The following LEPR variants were observed in gnomAD, a reference collection of about 807,000 sequenced individuals.
The protein encoded by LEPR is OB receptor.
In LEPR, 56 loss-of-function variants were observed where a neutral mutation model predicts 114.7. The observed-to-expected ratio is 0.49, with a 90% CI of 0.39 to 0.61. The LOEUF (loss-of-function observed/expected upper bound fraction) is 0.61. Among genes scored for constraint, LEPR ranks in the 20% least tolerant of loss-of-function variants. LEPR has a pLI of 0.00. For missense variants in LEPR, 1,202 were observed against 1,352.9 expected, an observed-to-expected ratio of 0.89 and a Z score of 1.75; for synonymous variants, 443 against 461.4, an observed-to-expected ratio of 0.96 and a Z score of 0.51.
At chr1:65,581,943 C>T (rs994674441) in intron 5 of LEPR, among the ~76,000 whole-genome samples, 26 of 152,226 alleles carry the variant, frequency 1.7e-4, no homozygotes, top group Non-Finnish European at 5.9e-5. Flanking sequence ...TTATCTCTCA[C>T]TTCCTTTTGT....
At chr1:65,600,650 A>G (rs541068459) in intron 8 of LEPR, among the ~76,000 whole-genome samples, 148 of 152,160 alleles carry the variant, frequency 9.7e-4, no homozygotes, top group South Asian at 2.3e-3. Flanking sequence ...TGTATCTCGC[A>G]TGTCTTTGAA....
At chr1:65,488,226 C>CTTTCTTTCTTTCTTTCTCTCTT (rs1165679914) in intron 2 of LEPR, among the ~76,000 whole-genome samples, 1 of 67,918 alleles carries the variant, frequency 1.5e-5, no homozygotes, top group African/African-American at 8.8e-5. Flanking sequence ...CTCTCTCTCT[C>CTTTCTTTCTTTCTTTCTCTCTT]TCTTTCTTTC....
At chr1:65,591,513 T>G (rs2186243) in intron 5 of LEPR, among the ~76,000 whole-genome samples, 76,366 of 151,794 alleles carry the variant, frequency 0.5, 20,026 homozygotes, top group East Asian at 0.87. Context: ...GTTATTGGGT[T>G]CATAAATGTT....
intron 2 of LEPR, chr1:65,432,263 A>G: frequency 1.0e-6 from 1 of 1,002,890 alleles, no homozygotes; most frequent in Non-Finnish European, 1.2e-6. Flanking sequence ...GAGGCAGATA[A>G]CGCTGAAGCA....
At chr1:65,513,988 T>C (rs1332575096) in intron 2 of LEPR, among the ~76,000 whole-genome samples, 1 of 152,182 alleles carries the variant, frequency 6.6e-6, no homozygotes, top group Non-Finnish European at 1.5e-5. Context: ...ATAAAGAAAA[T>C]TCGGTTACTG....
intron 19 of LEPR, among the ~76,000 whole-genome samples, chr1:65,630,720 T>C (rs1372374764): frequency 6.6e-6 from 1 of 151,618 alleles, no homozygotes; most frequent in African/African-American, 2.4e-5. Context: ...GTGTGTGTTA[T>C]ATTCTGAGAC....
intron 19 of LEPR, among the ~76,000 whole-genome samples, chr1:65,631,370 ACTGTCTCCGCTGTATACGGC>A (rs1357642722): frequency 2.2e-4 from 34 of 152,110 alleles, no homozygotes; most frequent in Non-Finnish European, 4.9e-4. Flanking sequence ...TTCTTCACGC[ACTGTCTCCGCTGTATACGGC>A]AGGGCTAATT....
chr1:65,456,445 C>G (rs753073283), intron 2 of LEPR, among the ~76,000 whole-genome samples: 1 of 152,098 alleles, frequency 6.6e-6, no homozygotes, highest in South Asian at 2.1e-4. Context: ...ATGGATTCAT[C>G]TATTTCTCTT....
chr1:65,550,533 C>T (rs1321814616), intron 2 of LEPR, among the ~76,000 whole-genome samples: 2 of 152,294 alleles, frequency 1.3e-5, no homozygotes, highest in Admixed American at 6.5e-5. Context: ...GGTGCCCCTG[C>T]CCCAGCCTCG....
At chr1:65,433,310 G>A (rs1221610265) in intron 2 of LEPR, 17 of 985,238 alleles carry the variant, frequency 1.7e-5, no homozygotes, top group Non-Finnish European at 1.9e-5. Context: ...CTTGTCTTCC[G>A]TCCTGTAGGT....
At chr1:65,635,297 A>T (rs77662357) in intron 19 of LEPR, 665 of 826,278 alleles carry the variant, frequency 8.0e-4, no homozygotes, top group Non-Finnish European at 9.4e-4. Context: ...AGCTTTTTTT[A>T]TTTTGCATTT....
intron 2 of LEPR, among the ~76,000 whole-genome samples, chr1:65,447,793 A>G (rs1424715319): frequency 6.6e-6 from 1 of 152,096 alleles, no homozygotes; most frequent in Non-Finnish European, 1.5e-5. Flanking sequence ...CATTCACCTC[A>G]GCCTCCTAAA....
intron 2 of LEPR, among the ~76,000 whole-genome samples, chr1:65,515,469 C>T (rs1330446153): frequency 1.3e-5 from 2 of 152,156 alleles, no homozygotes; most frequent in African/African-American, 4.8e-5. Context: ...GTTCTCTAAA[C>T]ATCTCATATT....
chr1:65,535,251 A>G (rs1021663861), intron 2 of LEPR, among the ~76,000 whole-genome samples: 2 of 151,634 alleles, frequency 1.3e-5, no homozygotes, highest in African/African-American at 4.8e-5. Context: ...ATCTCTTAGA[A>G]TTATGGTATA....
chr1:65,581,686 G>A (rs1030365047), intron 5 of LEPR, among the ~76,000 whole-genome samples: 1 of 152,134 alleles, frequency 6.6e-6, no homozygotes, highest in Non-Finnish European at 1.5e-5. Flanking sequence ...TATCTGGAGA[G>A]GCTAGACACT....
intron 14 of LEPR, among the ~76,000 whole-genome samples, chr1:65,614,805 A>G (rs1057444098): frequency 1.1e-4 from 17 of 152,198 alleles, no homozygotes; most frequent in African/African-American, 4.1e-4. Context: ...AGAGGGCCTA[A>G]AAGTAATGAC....
intron 5 of LEPR, among the ~76,000 whole-genome samples, chr1:65,584,843 A>C (rs556539312): frequency 4.0e-5 from 6 of 151,804 alleles, no homozygotes; most frequent in Non-Finnish European, 7.4e-5. Flanking sequence ...TTTTTTTCCC[A>C]CTTTCTCTTC....
intron 2 of LEPR, among the ~76,000 whole-genome samples, chr1:65,535,447 C>T (rs1477803387): frequency 2.0e-5 from 3 of 151,644 alleles, no homozygotes; most frequent in African/African-American, 7.3e-5. Flanking sequence ...CTCATTGCAG[C>T]CTCAGTCTCT....
intron 8 of LEPR, among the ~76,000 whole-genome samples, 195 bp downstream of exon 8, chr1:65,598,999 A>G (rs915508344): frequency 6.6e-6 from 1 of 152,148 alleles, no homozygotes; most frequent in Non-Finnish European, 1.5e-5. Context: ...GTGTGTTTCT[A>G]TTGCAGTATA....
Sources: allele counts gnomAD v4.1 joint callset (sites outside exome capture counted in the v4.1 genomes callset), GRCh38; gene constraint gnomAD v4.1.1; transcripts MANE v1.5; gene names NCBI Gene and HGNC (gene_info 2026-07-23, HGNC 2026-07-21).